ADGRV1: variants seen among roughly 807,000 people sequenced by gnomAD.
ADGRV1 encodes G-protein coupled receptor 98.
In ADGRV1, 359 loss-of-function variants were observed where a neutral mutation model predicts 596.2. That is an observed-to-expected ratio of 0.60 (90% confidence interval 0.55 to 0.66). The LOEUF (loss-of-function observed/expected upper bound fraction) is 0.66. Ranked by LOEUF, ADGRV1 falls within the 30% of genes least tolerant of loss-of-function variation. The pLI, the probability that ADGRV1 is intolerant of heterozygous loss-of-function variation, is 0.00. For synonymous variants in ADGRV1, 2,681 were observed against 2,679.2 expected, an observed-to-expected ratio of 1.00 and a Z score of -0.02; for missense variants, 7,274 against 7,575.6, an observed-to-expected ratio of 0.96 and a Z score of 1.48.
chr5:90,574,885 A>T (rs1757000568), intron 1 of ADGRV1, among the ~76,000 whole-genome samples: 1 of 152,166 alleles, frequency 6.6e-6, no homozygotes, highest in Non-Finnish European at 1.5e-5. Context: ...AGAGTTGTTC[A>T]TACTAGGCTC....
intron 84 of ADGRV1, among the ~76,000 whole-genome samples, chr5:90,974,596 G>A (rs1488123885): frequency 6.6e-6 from 1 of 152,136 alleles, no homozygotes; most frequent in Non-Finnish European, 1.5e-5. Context: ...ACAAGCAATA[G>A]GGAAAGGATT....
intron 45 of ADGRV1, among the ~76,000 whole-genome samples, chr5:90,723,269 T>A (rs913170185): frequency 2.0e-5 from 3 of 151,716 alleles, no homozygotes; most frequent in Admixed American, 6.6e-5. Context: ...GTGTCGGAGG[T>A]TTTTTGCATG....
Position 90,745,801 on chromosome 5 carries a change from G to C in ADGRV1, c.10974+6G>C. ...GAATTGTTGCATTTGCTCAGGTAATGATACTGAAGACCCCACACTTGCAAT... is the reference window on the plus strand; with the variant it reads ...GAATTGTTGCATTTGCTCAGGTAATCATACTGAAGACCCCACACTTGCAAT... On this transcript the variant is annotated splice_donor_region_variant and intron_variant, in intron 52 of 89. Coordinates refer to ENST00000405460, the MANE Select transcript of ADGRV1 (RefSeq NM_032119.4). The C allele has an allele frequency of 6.7e-7, 1 of 1,487,782 alleles. No homozygotes were observed. Among genetic ancestry groups the C allele is most frequent in the Non-Finnish European group, 9.4e-7 (1 of 1,068,146 alleles). 92.2% of individuals were successfully genotyped at this position (1,487,782 alleles called of 1,614,324 possible).
chr5:90,574,520 ATTGT>A (rs1756955998), intron 1 of ADGRV1, among the ~76,000 whole-genome samples: 2 of 152,120 alleles, frequency 1.3e-5, no homozygotes, highest in African/African-American at 4.8e-5. Context: ...GTTTACTAAA[ATTGT>A]TTATCAATTC....
At chr5:90,623,070 G>GTGA (rs1764302297) in intron 5 of ADGRV1, among the ~76,000 whole-genome samples, 1 of 152,180 alleles carries the variant, frequency 6.6e-6, no homozygotes, top group East Asian at 1.9e-4. Context: ...GAACACTGGG[G>GTGA]TTCATACCAG....
chr5:90,816,011 A>G (rs527350687), intron 75 of ADGRV1, among the ~76,000 whole-genome samples: 1 of 152,242 alleles, frequency 6.6e-6, no homozygotes, highest in East Asian at 1.9e-4. Context: ...TTATCTGCTC[A>G]CTCTACATAC....
chr5:90,897,586 A>T (rs1417490786), intron 83 of ADGRV1, among the ~76,000 whole-genome samples: 1 of 152,180 alleles, frequency 6.6e-6, no homozygotes, highest in Non-Finnish European at 1.5e-5. Context: ...TGTGCCCCCA[A>T]GGTACTCTTT....
chr5:90,627,917 GACACACACACACACACACACAC>G (rs3041948), intron 7 of ADGRV1, 141 bp downstream of exon 7: 1 of 222,240 alleles, frequency 4.5e-6, no homozygotes, highest in African/African-American at 2.7e-5. Flanking sequence ...ACTCAGAAAA[GACACACACACACACACACACAC>G]ACACACACAC....
At chr5:90,724,151 C>T (rs1487520035) in intron 45 of ADGRV1, among the ~76,000 whole-genome samples, 1 of 151,988 alleles carries the variant, frequency 6.6e-6, no homozygotes, top group Non-Finnish European at 1.5e-5. Flanking sequence ...TAAAATTTCT[C>T]AGTTATATTT....
intron 83 of ADGRV1, among the ~76,000 whole-genome samples, chr5:90,961,490 A>G (rs1316280466): frequency 1.9e-5 from 2 of 103,942 alleles, no homozygotes; most frequent in Admixed American, 8.2e-5. Flanking sequence ...TCCGTCTCAA[A>G]AAAAAAAAAA....
At chr5:91,104,268 T>C (rs1037169005) in intron 87 of ADGRV1, among the ~76,000 whole-genome samples, 2 of 152,194 alleles carry the variant, frequency 1.3e-5, no homozygotes, top group Non-Finnish European at 2.9e-5. Context: ...GGTGACAGGT[T>C]TGACAGTTGT....
chr5:90,913,134 C>T (rs1460503250), intron 83 of ADGRV1, among the ~76,000 whole-genome samples: 1 of 151,988 alleles, frequency 6.6e-6, no homozygotes, highest in Non-Finnish European at 1.5e-5. Context: ...AATTTGGGGC[C>T]CCAGGAAAAC....
intron 9 of ADGRV1, chr5:90,629,740 C>CGCCTGTAAT: frequency 2.3e-6 from 1 of 427,300 alleles, no homozygotes; most frequent in Non-Finnish European, 4.1e-6. Flanking sequence ...AGAATTTTTA[C>CGCCTGTAAT]CAAAGTTAAT....
Position 90,596,466 on chromosome 5 carries a change from C to G in ADGRV1, c.23-18369C>G, listed in dbSNP as rs555990180. Among the ~76,000 whole-genome samples the G allele has an allele frequency of 3.3e-5, 5 of 152,026 alleles. No homozygotes were observed. The South Asian group carries it at 8.3e-4, about 25-fold the overall frequency. On this transcript the variant is annotated intron_variant, in intron 1 of 89. Transcript: ENST00000405460. Reference sequence around the variant, plus strand: ...CTGGGAGGTGGAGGTTGTAGCGAGCCGAGATCACGCCACTGCACTCCAGCC... The same window carrying G: ...CTGGGAGGTGGAGGTTGTAGCGAGCGGAGATCACGCCACTGCACTCCAGCC...
chr5:91,120,257 A>G (rs1310285647), intron 87 of ADGRV1, among the ~76,000 whole-genome samples: 1 of 152,216 alleles, frequency 6.6e-6, no homozygotes, highest in Non-Finnish European at 1.5e-5. Context: ...CTGGACAGGA[A>G]GCAGATCCAG....
intron 83 of ADGRV1, among the ~76,000 whole-genome samples, chr5:90,923,136 T>G (rs1774049179): frequency 6.6e-6 from 1 of 152,208 alleles, no homozygotes; most frequent in South Asian, 2.1e-4. Flanking sequence ...CTTTGAAACT[T>G]GTGAGCATTA....
rs2151049918 is a variant in ADGRV1 at position 90,985,539 on chromosome 5, A to G, written c.18152+17A>G. On this transcript the variant is annotated intron_variant, in intron 85 of 89. Coordinates refer to ENST00000405460, the MANE Select transcript of ADGRV1 (RefSeq NM_032119.4). ...TGGTGACCTGTAAGTACACCCAGGC[A>G]ACACATTGCCCTAGCTTTCATGTAC... 2.5e-6 allele frequency: 4 copies of G among 1,601,602 alleles called. No individual in the cohort carries two copies. Among genetic ancestry groups the G allele is most frequent in the Non-Finnish European group, 3.4e-6 (4 of 1,169,262 alleles).
At chr5:91,116,789 T>TC (rs1444584126) in intron 87 of ADGRV1, among the ~76,000 whole-genome samples, 2 of 152,160 alleles carry the variant, frequency 1.3e-5, no homozygotes, top group Non-Finnish European at 1.5e-5. Flanking sequence ...TTGGAAACTC[T>TC]CAGTTATAAA....
At chr5:90,894,709 A>C (rs1234651458) in intron 83 of ADGRV1, among the ~76,000 whole-genome samples, 1 of 152,194 alleles carries the variant, frequency 6.6e-6, no homozygotes, top group Admixed American at 6.5e-5. Flanking sequence ...AAGAAATCGC[A>C]GAGTGCAAGA....
Sources: gnomAD v4.1 joint callset for allele counts (sites outside exome capture counted in the v4.1 genomes callset) on GRCh38, gnomAD v4.1.1 for gene constraint, MANE v1.5 for transcripts, NCBI Gene and HGNC (gene_info 2026-07-23, HGNC 2026-07-21) for gene names.